Variants in SMG9 observed in about 807,000 individuals in gnomAD.
The protein encoded by SMG9 is nonsense-mediated mRNA decay factor SMG9.
In SMG9, 55 loss-of-function variants were observed where a neutral mutation model predicts 64.0. That is an observed-to-expected ratio of 0.86 (90% confidence interval 0.69 to 1.08). The LOEUF is 1.08. SMG9 is among the 50% of genes least tolerant of loss of function. SMG9 has a pLI of 0.00. For missense variants in SMG9, 554 were observed against 681.3 expected (o/e 0.81, Z 2.08); for synonymous variants, 244 against 254.8 (o/e 0.96, Z 0.41).
rs893255370 is a variant in SMG9 at position 43,729,090 on chromosome 19, C to A, written c.*2506G>T. On this transcript the variant is annotated 3_prime_UTR_variant, in exon 14 of 14. Transcript: ENST00000270066. ...GTGGCGGGTGACCGGTACATACTTA[C>A]CCACTGTTCAGAAGGCTACTGCCAG... 1.0e-5 allele frequency: 10 copies of A among 955,692 alleles called. No individual in the cohort carries two copies. The African/African-American group carries it at 1.8e-4, about 17-fold the overall frequency. The allele number at this position is 955,692 out of a possible 1,614,324, so 59.2% of individuals were successfully genotyped here.
At chr19:43,743,477 A>G (rs752361544) in intron 6 of SMG9, among the ~76,000 whole-genome samples, 2 of 152,174 alleles carry the variant, frequency 1.3e-5, no homozygotes, top group Non-Finnish European at 2.9e-5. Context: ...CCCTAGAAGA[A>G]AAGCCTGACT....
At chr19:43,744,190 A>C (rs1968929935) in intron 6 of SMG9, among the ~76,000 whole-genome samples, 1 of 152,066 alleles carries the variant, frequency 6.6e-6, no homozygotes, top group South Asian at 2.1e-4. Flanking sequence ...CTCATGTCTG[A>C]TCCTCCCCAG....
chr19:43,753,894 G>T (rs1168723391), intron 1 of SMG9, among the ~76,000 whole-genome samples: 1 of 147,814 alleles, frequency 6.8e-6, no homozygotes, highest in African/African-American at 2.5e-5. Context: ...CAGCCTGGGC[G>T]ACAGAGCGAG....
rs11326289 is a variant in SMG9, at chr19:43,746,819, C to CT, written c.588+622dup. Among the ~76,000 whole-genome samples, 748 of 134,228 alleles carry CT rather than the reference C, an allele frequency of 5.6e-3. 4 individuals are homozygous for CT. Among genetic ancestry groups the CT allele is most frequent in the African/African-American group, 0.012 (423 of 36,230 alleles). 88.1% of individuals were successfully genotyped at this position (134,228 alleles called of 152,430 possible). ...ACTGAGACAGCGTGGGCTTCTTGTTCTTTTTTTTTTTTTTTTTACTGAGAC... is the reference window on the plus strand; with the variant it reads ...ACTGAGACAGCGTGGGCTTCTTGTTCTTTTTTTTTTTTTTTTTTACTGAGAC... On this transcript the variant is annotated intron_variant, in intron 5 of 13. Transcript: ENST00000270066.
At chr19:43,750,008 C>G (rs1217101770) in intron 2 of SMG9, among the ~76,000 whole-genome samples, 2 of 152,202 alleles carry the variant, frequency 1.3e-5, no homozygotes. Flanking sequence ...ATGTAAAAGA[C>G]TTTGCACAGT....
intron 7 of SMG9, 137 bp from the exon 8 acceptor site, chr19:43,738,354 G>A: frequency 2.9e-6 from 2 of 699,870 alleles, no homozygotes; most frequent in Admixed American, 5.9e-5. Context: ...GCAAAAGGAA[G>A]TTAAAGAAAA....
chr19:43,731,972 G>A (rs1311901942), intron 13 of SMG9, among the ~76,000 whole-genome samples: 1 of 152,242 alleles, frequency 6.6e-6, no homozygotes, highest in Non-Finnish European at 1.5e-5. Context: ...CTTTGTGGGT[G>A]AGGGTTCAGT....
chr19:43,745,212 G>A (rs994580956), intron 5 of SMG9, among the ~76,000 whole-genome samples: 1 of 152,206 alleles, frequency 6.6e-6, no homozygotes, highest in African/African-American at 2.4e-5. Flanking sequence ...GTGAAAGTGA[G>A]AGTCACAGGA....
rs1042670893 is a variant in SMG9, at chr19:43,747,480, C to A, written c.550G>T (p.Val184Leu). The A allele has an allele frequency of 6.2e-7, 1 of 1,614,124 alleles. No individual in the cohort carries two copies. The highest frequency in any genetic ancestry group is 1.3e-5 in the African/African-American group (1 of 75,066). The change falls in exon 5 of 14, where the codon GTG (valine) becomes TTG (leucine). Residue 184 changes from valine (V) to leucine (L), a missense_variant. By Grantham distance (32) the Val-to-Leu change is conservative. Coordinates refer to ENST00000270066, the MANE Select transcript of SMG9 (RefSeq NM_019108.4). ...PERMKHSIKL[V>L]DDQMNWCDSA... is the part of the protein sequence containing the mutation. ...TCACACCAATTCATCTGGTCATCCA[C>A]CAACTTGATGCTGTGCTTCATGCGC... is the stretch of plus-strand genomic sequence containing the variant.
intron 12 of SMG9, 73 bp from the exon 13 acceptor site, chr19:43,733,075 G>C (rs1968538186): frequency 6.6e-7 from 1 of 1,513,888 alleles, no homozygotes; most frequent in Non-Finnish European, 8.9e-7. Flanking sequence ...AGCATCCTGG[G>C]CTTCAAGGAG....
At chr19:43,738,744 C>T (rs780956677) in intron 7 of SMG9, among the ~76,000 whole-genome samples, 1 of 152,296 alleles carries the variant, frequency 6.6e-6, no homozygotes, top group Non-Finnish European at 1.5e-5. Flanking sequence ...CAGTGAAATT[C>T]TTTTAGAAAG....
At chr19:43,739,423 C>T (rs1207968488) in intron 7 of SMG9, among the ~76,000 whole-genome samples, 1 of 152,088 alleles carries the variant, frequency 6.6e-6, no homozygotes, top group East Asian at 1.9e-4. Flanking sequence ...TCACACAATT[C>T]GTTGGTGGTT....
chr19:43,731,371 T>C lies in SMG9; in HGVS notation c.*225A>G, dbSNP rs1253948808. The C allele has an allele frequency of 7.4e-7, 1 of 1,360,084 alleles. No individual in the cohort carries two copies. The highest frequency in any genetic ancestry group is 9.5e-7 in the Non-Finnish European group (1 of 1,055,296). 84.3% of individuals were successfully genotyped at this position (1,360,084 alleles called of 1,614,324 possible). A position where few individuals can be genotyped will look rare whatever the true frequency, so the allele number is the denominator to read the frequency against. On this transcript the variant is annotated 3_prime_UTR_variant, in exon 14 of 14. Transcript: ENST00000270066. The stretch of plus-strand genomic sequence containing the variant: ...GGAGGACACAGGACGGGCTACCCCA[T>C]CTCAGGTTTGGGGTGGGATCGCTCA...
At chr19:43,749,374 A>C (rs1969124660) in intron 2 of SMG9, among the ~76,000 whole-genome samples, 1 of 152,168 alleles carries the variant, frequency 6.6e-6, no homozygotes, top group South Asian at 2.1e-4. Flanking sequence ...AGAGGATAAG[A>C]AGCCCATGGG....
At chr19:43,734,619 C>T (rs1968599124) in intron 9 of SMG9, 124 bp from the exon 10 acceptor site, 1 of 596,860 alleles carries the variant, frequency 1.7e-6, no homozygotes, top group Non-Finnish European at 3.0e-6. Flanking sequence ...ATACCATATA[C>T]ACACCATGTT....
intron 7 of SMG9, among the ~76,000 whole-genome samples, chr19:43,738,470 A>T (rs1009415890): frequency 1.3e-5 from 2 of 152,146 alleles, no homozygotes; most frequent in Admixed American, 1.3e-4. Context: ...TGAATTTTTA[A>T]CGTTTACTCA....
chr19:43,747,697 G>A lies in SMG9; in HGVS notation c.426C>T (p.Pro142=). The A allele has an allele frequency of 1.9e-6, 3 of 1,610,776 alleles. No individual in the cohort carries two copies. The highest frequency in any genetic ancestry group is 1.7e-4 in the Middle Eastern group (1 of 5,964). ...TCTGGATCTGGTACACAGGCTGTGT[G>A]GGTCTCTGCCCCTCCTTCTCCCCCT... ...PPKGEKEGQR[P]TQPVYQIQNR... is the part of the protein sequence containing the mutation. Residue 142 remains proline, a synonymous_variant, in exon 4 of 14, where the codon CCC becomes CCT. Coordinates refer to ENST00000270066, the MANE Select transcript of SMG9 (RefSeq NM_019108.4).
chr19:43,748,187 A>G (rs1365627223), intron 2 of SMG9, 135 bp from the exon 3 acceptor site: 2 of 1,052,762 alleles, frequency 1.9e-6, no homozygotes, highest in Non-Finnish European at 2.7e-6. Context: ...GATAGATACT[A>G]TTATTACCCC....
intron 9 of SMG9, among the ~76,000 whole-genome samples, chr19:43,735,136 T>A (rs59204851): frequency 0.021 from 3,219 of 152,350 alleles, 105 homozygotes; most frequent in African/African-American, 0.072. Flanking sequence ...TATAGCATTT[T>A]CAGATTGGCT....
Sources: allele counts gnomAD v4.1 joint callset (sites outside exome capture counted in the v4.1 genomes callset), GRCh38; gene constraint gnomAD v4.1.1; transcripts MANE v1.5; gene names NCBI Gene and HGNC (gene_info 2026-07-23, HGNC 2026-07-21).